ZNHIT6: variants seen among roughly 807,000 people sequenced by gnomAD.
ZNHIT6 encodes box C/D snoRNA protein 1.
ZNHIT6 carries 45 observed loss-of-function variants against 57.2 expected under a neutral mutation model. That is an observed-to-expected ratio of 0.79 (90% confidence interval 0.62 to 1.01). The LOEUF is 1.01. Among genes scored for constraint, ZNHIT6 ranks in the 50% least tolerant of loss-of-function variants. The probability of loss-of-function intolerance (pLI) is 0.00; values close to 1 mark genes in which losing one functional copy is unlikely to be tolerated. For missense variants in ZNHIT6, 528 were observed against 567.3 expected (o/e 0.93, Z 0.70); for synonymous variants, 188 against 190.0 (o/e 0.99, Z 0.09).
intron 5 of ZNHIT6, among the ~76,000 whole-genome samples, chr1:85,688,780 C>G (rs1248939865): frequency 6.6e-6 from 1 of 151,962 alleles, no homozygotes; most frequent in Non-Finnish European, 1.5e-5. Context: ...TACTATAACC[C>G]AAACTGTTAC....
At chr1:85,679,690 T>A (rs912052851) in intron 6 of ZNHIT6, among the ~76,000 whole-genome samples, 2 of 151,824 alleles carry the variant, frequency 1.3e-5, no homozygotes, top group African/African-American at 4.8e-5. Context: ...ATTTAAGCTA[T>A]TCTCATGCCT....
At chr1:85,684,796 TATAACC>T (rs1236681425) in intron 5 of ZNHIT6, among the ~76,000 whole-genome samples, 1 of 152,324 alleles carries the variant, frequency 6.6e-6, no homozygotes, top group East Asian at 1.9e-4. Context: ...AAAGAGGTTC[TATAACC>T]ATAATCTAAA....
chr1:85,683,834 A>AT (rs1661949319), intron 5 of ZNHIT6, among the ~76,000 whole-genome samples: 1 of 152,010 alleles, frequency 6.6e-6, no homozygotes, highest in Non-Finnish European at 1.5e-5. Flanking sequence ...GGACTAGATA[A>AT]TTCTTTGCAA....
chr1:85,671,635 T>A (rs961063828), intron 8 of ZNHIT6, among the ~76,000 whole-genome samples: 2 of 152,190 alleles, frequency 1.3e-5, no homozygotes, highest in Non-Finnish European at 2.9e-5. Flanking sequence ...AATACTTGAA[T>A]AATACACAGG....
At chr1:85,686,127 A>C (rs1662027941) in intron 5 of ZNHIT6, among the ~76,000 whole-genome samples, 1 of 151,044 alleles carries the variant, frequency 6.6e-6, no homozygotes, top group South Asian at 2.1e-4. Flanking sequence ...ACACCTGATT[A>C]ATTCTTTGTA....
chr1:85,657,863 CAT>C lies in ZNHIT6; in HGVS notation c.1354_1355del (p.Met452GlufsTer9), dbSNP rs772088046. ...HVVLKGSNND[M>X]KVLHQVKSES... ...TACACTTACCTTGGTGAAGAACTTT[CAT>C]GTCATTATTGGATCCTTTCAATACC... On this transcript the variant is annotated frameshift_variant, in exon 9 of 10. Transcript: ENST00000370574. LOFTEE classifies it high-confidence loss of function. 6.2e-7 allele frequency: 1 copy of C among 1,607,424 alleles called. No homozygotes were observed. Among genetic ancestry groups the C allele is most frequent in the South Asian group, 1.1e-5 (1 of 88,794 alleles).
rs140637481 is a variant in ZNHIT6, at chr1:85,706,455, G to A, written c.709C>T (p.Arg237Ter). 20 of 1,610,424 alleles carry A rather than the reference G, an allele frequency of 1.2e-5. No individual in the cohort carries two copies. The highest frequency in any genetic ancestry group is 2.2e-5 in the East Asian group (1 of 44,866). ...TTACATGTATACCTGCAGGAATATC[G>A]CATACAACGTGGACATCTGTACTTT... ...EAKYRCPRCMRYSCSLPCVKK... is the reference protein window; with the variant it reads ...EAKYRCPRCM The change falls in exon 2 of 10, where the codon CGA becomes TGA. Residue 237 changes from arginine (R) to a stop codon, truncating the protein, a stop_gained. Coordinates refer to ENST00000370574, the MANE Select transcript of ZNHIT6 (RefSeq NM_017953.4). LOFTEE classifies it high-confidence loss of function.
rs372098450 is a variant in ZNHIT6, at chr1:85,706,183, A to G, written c.830-20T>C. On this transcript the variant is annotated intron_variant, in intron 3 of 9. Transcript: ENST00000370574. ...GATAATCTAAAAATTTCAAAACAGA[A>G]GAATAAACAAGTGACATATACCAAT... 3.7e-6 allele frequency: 6 copies of G among 1,612,330 alleles called. No homozygotes were observed. Among genetic ancestry groups the G allele is most frequent in the Non-Finnish European group, 3.4e-6 (4 of 1,178,984 alleles).
rs1482168618 is a variant in ZNHIT6, at chr1:85,707,632, G to A, written c.653C>T (p.Ser218Leu). 6.5e-7 allele frequency: 1 copy of A among 1,547,678 alleles called. No homozygotes were observed. The highest frequency in any genetic ancestry group is 8.7e-7 in the Non-Finnish European group (1 of 1,151,616). Residue 218 changes from serine to leucine, a missense_variant, in exon 1 of 10, where the codon TCA (serine) becomes TTA (leucine). Coordinates refer to ENST00000370574, the MANE Select transcript of ZNHIT6 (RefSeq NM_017953.4). ...AATGGAATCCCCCATGCCCTACCTTGACATGGCCAGTTTCCGCTTGCAGCC... is the reference window on the plus strand; with the variant it reads ...AATGGAATCCCCCATGCCCTACCTTAACATGGCCAGTTTCCGCTTGCAGCC... ...PVGCKRKLAM[S>L]RCETCGTEEA...
chr1:85,669,835 C>T (rs894009610), intron 8 of ZNHIT6, among the ~76,000 whole-genome samples: 6 of 152,122 alleles, frequency 3.9e-5, no homozygotes, highest in Non-Finnish European at 7.4e-5. Context: ...TATCATTCTT[C>T]CCACCTAGCT....
chr1:85,705,605 C>A (rs1165113809), intron 4 of ZNHIT6, among the ~76,000 whole-genome samples: 1 of 152,170 alleles, frequency 6.6e-6, no homozygotes, highest in African/African-American at 2.4e-5. Flanking sequence ...TTCCTCAAAC[C>A]AGACATCCTT....
At chr1:85,691,838 A>G (rs985290421) in intron 5 of ZNHIT6, among the ~76,000 whole-genome samples, 2 of 152,034 alleles carry the variant, frequency 1.3e-5, no homozygotes, top group Non-Finnish European at 2.9e-5. Context: ...GAGCGCTAAG[A>G]TCACGCCACT....
intron 8 of ZNHIT6, among the ~76,000 whole-genome samples, chr1:85,675,652 C>A (rs1373855343): frequency 1.3e-5 from 2 of 152,192 alleles, no homozygotes; most frequent in African/African-American, 4.8e-5. Context: ...TTATGGCAGG[C>A]ATTTACTTCC....
Position 85,667,961 on chromosome 1 carries a change from A to AAAAAAAAAAAAAATGTATATATATAT in ZNHIT6, c.1247+9274_1247+9275insATATATATATACATTTTTTTTTTTTT. Among the ~76,000 whole-genome samples, 36 of 18,198 alleles carry AAAAAAAAAAAAAATGTATATATATAT rather than the reference A, an allele frequency of 2.0e-3. 6 individuals are homozygous for AAAAAAAAAAAAAATGTATATATATAT. In the East Asian group the frequency reaches 0.03, roughly 15 times the overall value. The allele number at this position is 18,198 out of a possible 152,430, so 11.9% of individuals were successfully genotyped here. On this transcript the variant is annotated intron_variant, in intron 8 of 9. Transcript: ENST00000370574. ...ACTCTCTCTTTCAAAAAAAAAAAAA[A>AAAAAAAAAAAAAATGTATATATATAT]ATATATATATATATATATATATATG... is the stretch of plus-strand genomic sequence containing the variant.
chr1:85,657,814 T>C (rs776073392), intron 9 of ZNHIT6, 33 bp downstream of exon 9: 29 of 1,599,046 alleles, frequency 1.8e-5, no homozygotes, highest in Non-Finnish European at 2.4e-5. Flanking sequence ...TCTAAAGCTA[T>C]TCTAAGCATT....
At position 85,657,939 on chromosome 1, in the gene ZNHIT6, A is replaced by G. The variant is rs775076364; in HGVS notation, c.1280T>C (p.Leu427Pro). ...GATCACTTTGTTCCTCAAATTGTCT[A>G]GGAGACTTTTATAAGGATCTAGTTC... The part of the protein sequence containing the change: ...YYELDPYKSL[L>P]DNLRNKVIIE... The change falls in exon 9 of 10, where the codon CTA becomes CCA. Residue 427 changes from leucine to proline, a missense_variant. Physicochemically the swap from Leu to Pro is moderately conservative, Grantham distance 98. Transcript: ENST00000370574. The G allele has an allele frequency of 3.1e-5, 49 of 1,574,830 alleles. No individual in the cohort carries two copies. The highest frequency in any genetic ancestry group is 4.0e-5 in the Non-Finnish European group (46 of 1,149,802).
chr1:85,654,747 C>G (rs1661014414), intron 9 of ZNHIT6, among the ~76,000 whole-genome samples: 1 of 152,134 alleles, frequency 6.6e-6, no homozygotes, highest in Non-Finnish European at 1.5e-5. Flanking sequence ...CCTAAATCTG[C>G]AAAATGGGAA....
At chr1:85,661,400 C>T (rs1222581815) in intron 8 of ZNHIT6, among the ~76,000 whole-genome samples, 1 of 152,152 alleles carries the variant, frequency 6.6e-6, no homozygotes, top group Non-Finnish European at 1.5e-5. Context: ...AACACAGAAA[C>T]TGCTCACTCA....
intron 8 of ZNHIT6, among the ~76,000 whole-genome samples, chr1:85,658,802 C>A (rs921829397): frequency 6.6e-6 from 1 of 151,720 alleles, no homozygotes; most frequent in Admixed American, 6.6e-5. Flanking sequence ...ATCCAGGAGG[C>A]GGAGGCTGCA....
Sources: gnomAD v4.1 joint callset for allele counts (sites outside exome capture counted in the v4.1 genomes callset) on GRCh38, gnomAD v4.1.1 for gene constraint, MANE v1.5 for transcripts, NCBI Gene and HGNC (gene_info 2026-07-23, HGNC 2026-07-21) for gene names.